CHD7: variants seen among roughly 807,000 people sequenced by gnomAD.
CHD7 encodes ATP-dependent chromatin remodeler CHD7.
Under a neutral mutation model 307.3 loss-of-function variants are expected in CHD7, and 24 were observed. The observed-to-expected ratio is 0.08, with a 90% confidence interval of 0.06 to 0.11. The LOEUF (loss-of-function observed/expected upper bound fraction) is 0.11. Among genes scored for constraint, CHD7 ranks in the 10% least tolerant of loss-of-function variants. CHD7 has a pLI of 1.00. For missense variants in CHD7, 3,106 were observed against 3,727.1 expected (o/e 0.83, Z 4.34); for synonymous variants, 1,363 against 1,349.9 (o/e 1.01, Z -0.21).
intron 34 of CHD7, 100 bp downstream of exon 34, chr8:60,856,988 T>A (rs578050272): frequency 1.4e-5 from 15 of 1,066,336 alleles, no homozygotes; most frequent in Non-Finnish European, 2.0e-5. Flanking sequence ...AGCAGCATTG[T>A]ATGAAAGCCA....
chr8:60,779,406 G>T (rs1452316120), intron 2 of CHD7, among the ~76,000 whole-genome samples: 1 of 152,188 alleles, frequency 6.6e-6, no homozygotes, highest in Admixed American at 6.5e-5. Context: ...AAGTACTAGA[G>T]TTAGGAAACT....
At chr8:60,859,493 T>C (rs994018436) in intron 34 of CHD7, among the ~76,000 whole-genome samples, 7 of 152,210 alleles carry the variant, frequency 4.6e-5, no homozygotes, top group African/African-American at 1.4e-4. Flanking sequence ...TAAATCATAA[T>C]GTGTCCTGGT....
intron 2 of CHD7, among the ~76,000 whole-genome samples, chr8:60,754,886 A>T (rs1809815723): frequency 6.6e-6 from 1 of 152,210 alleles, no homozygotes; most frequent in African/African-American, 2.4e-5. Flanking sequence ...ACATAGAGAA[A>T]GTTCAGTAGT....
At chr8:60,795,266 TC>T in intron 4 of CHD7, 139 bp downstream of exon 4, 1 of 801,236 alleles carries the variant, frequency 1.2e-6, no homozygotes, top group Non-Finnish European at 1.9e-6. Context: ...GAACATTATC[TC>T]CATAGCGATG....
rs1282108365 is a variant in CHD7 at position 60,865,949 on chromosome 8, G to C, written c.*16G>C. ...TGATGAATAACCAGTACCAGTTCCAGTTCAAGTGTTTAAAACTTTTGACAA... is the reference window on the plus strand; with the variant it reads ...TGATGAATAACCAGTACCAGTTCCACTTCAAGTGTTTAAAACTTTTGACAA... On this transcript the variant is annotated 3_prime_UTR_variant, in exon 38 of 38. Transcript: ENST00000423902. The surrounding 1 kb of genome is among the most constrained non-coding windows in gnomAD (Gnocchi z 4.3). 1.3e-6 allele frequency: 2 copies of C among 1,578,082 alleles called. No homozygotes were observed. Among genetic ancestry groups the C allele is most frequent in the Non-Finnish European group, 1.7e-6 (2 of 1,160,884 alleles).
In CHD7 at chr8:60,865,758, A is replaced by G; in HGVS notation, c.8819A>G (p.Asp2940Gly). The stretch of plus-strand genomic sequence containing the variant: ...GGCTCCAGCGAAGAAAAGGCTGCTG[A>G]CAAGGCTGAGGGAGGACCCTTTAAA... Reference protein sequence around the residue: ...AVGSSEEKAADKAEGGPFKDG... With the variant: ...AVGSSEEKAAGKAEGGPFKDG... Residue 2940 changes from aspartate to glycine, a missense_variant, in exon 38 of 38, where the codon GAC (aspartate) becomes GGC (glycine). Asp to Gly is a moderately conservative substitution (Grantham distance 94). Coordinates refer to ENST00000423902, the MANE Select transcript of CHD7 (RefSeq NM_017780.4). The surrounding 1 kb of genome is among the most constrained non-coding windows in gnomAD (Gnocchi z 4.3). The G allele has an allele frequency of 6.2e-7, 1 of 1,613,206 alleles. No homozygotes were observed. Among genetic ancestry groups the G allele is most frequent in the Non-Finnish European group, 8.5e-7 (1 of 1,179,506 alleles).
chr8:60,808,081 G>A (rs756935490), intron 6 of CHD7, 136 bp from the exon 7 acceptor site: 9 of 664,690 alleles, frequency 1.4e-5, no homozygotes, highest in Non-Finnish European at 1.8e-5. Context: ...CCAGCACACG[G>A]TGTGCTCATC....
chr8:60,808,556 A>G (rs1812643626), intron 7 of CHD7, among the ~76,000 whole-genome samples: 1 of 152,232 alleles, frequency 6.6e-6, no homozygotes, highest in Non-Finnish European at 1.5e-5. Context: ...TGAATAAAGC[A>G]GTATTTCCCT....
intron 35 of CHD7, chr8:60,861,483 C>T (rs570116868): frequency 6.0e-4 from 110 of 183,602 alleles, no homozygotes; most frequent in African/African-American, 1.9e-3. Flanking sequence ...AGTCTCCAGA[C>T]GAGGCCCCGC....
At chr8:60,681,161 C>T (rs1252182103) in intron 1 of CHD7, among the ~76,000 whole-genome samples, 1 of 152,150 alleles carries the variant, frequency 6.6e-6, no homozygotes, top group African/African-American at 2.4e-5. Context: ...ATCTTAGTGA[C>T]TGTGACCTTA....
Position 60,836,886 on chromosome 8 carries a change from C to A in CHD7, c.4059C>A (p.Ser1353=), listed in dbSNP as rs1804767633. Residue 1353 remains serine (S), a synonymous_variant, in exon 17 of 38, where the codon TCC becomes TCA. Transcript: ENST00000423902. ...NLRQAAIDRF[S]KPDSDRFVFL... is the part of the protein sequence containing the mutation. ...GCCAGGCAGCTATCGACAGATTCTC[C>A]AAACCTGATTCTGATAGGTTTGTTT... The A allele has an allele frequency of 6.2e-7, 1 of 1,613,762 alleles. No homozygotes were observed. The highest frequency in any genetic ancestry group is 1.7e-5 in the Admixed American group (1 of 59,996).
At chr8:60,848,840 A>T (rs1805324457) in intron 24 of CHD7, among the ~76,000 whole-genome samples, 1 of 152,154 alleles carries the variant, frequency 6.6e-6, no homozygotes, top group Non-Finnish European at 1.5e-5. Flanking sequence ...GTGTTCTGAG[A>T]TGACCCTTAA....
chr8:60,761,230 A>C (rs997778959), intron 2 of CHD7, among the ~76,000 whole-genome samples: 1 of 150,988 alleles, frequency 6.6e-6, no homozygotes, highest in Non-Finnish European at 1.5e-5. Context: ...TTCTCAGTAA[A>C]CTATCGCAAG....
At chr8:60,686,795 A>G (rs1343347666) in intron 1 of CHD7, among the ~76,000 whole-genome samples, 1 of 152,194 alleles carries the variant, frequency 6.6e-6, no homozygotes, top group Non-Finnish European at 1.5e-5. Flanking sequence ...TATTTGCAGT[A>G]TGTCTAAAAA....
chr8:60,811,165 A>G (rs965129522), intron 7 of CHD7, among the ~76,000 whole-genome samples: 2 of 152,098 alleles, frequency 1.3e-5, no homozygotes, highest in African/African-American at 2.4e-5. Context: ...GATTTATTTG[A>G]TACACAGTAT....
At chr8:60,800,179 C>T (rs1334882701) in intron 4 of CHD7, among the ~76,000 whole-genome samples, 3 of 151,972 alleles carry the variant, frequency 2.0e-5, no homozygotes, top group East Asian at 1.9e-4. Context: ...TACAGGCACC[C>T]GCCACCACGC....
rs373823856 is a variant in CHD7 at position 60,852,093 on chromosome 8, C to T, written c.5740C>T (p.Arg1914Cys). The change falls in exon 29 of 38, where the codon CGC becomes TGC. Residue 1914 changes from arginine to cysteine, a missense_variant. Physicochemically the swap from Arg to Cys is radical, Grantham distance 180. Coordinates refer to ENST00000423902, the MANE Select transcript of CHD7 (RefSeq NM_017780.4). ...CACTTCAACCCTGACTACACGTCTG[C>T]GCCGGCTCATTACTGCCTATCAGCG... ...PNTSTLTTRL[R>C]RLITAYQRSY... The T allele has an allele frequency of 3.1e-6, 5 of 1,613,826 alleles. No individual in the cohort carries two copies. The highest frequency in any genetic ancestry group is 4.2e-6 in the Non-Finnish European group (5 of 1,179,868).
chr8:60,834,874 A>G (rs941295066), intron 15 of CHD7, among the ~76,000 whole-genome samples: 10 of 152,310 alleles, frequency 6.6e-5, no homozygotes, highest in African/African-American at 2.4e-4. Flanking sequence ...GTACCATGTG[A>G]GAGGCTGTGG....
At chr8:60,817,955 C>G (rs191401688) in intron 8 of CHD7, among the ~76,000 whole-genome samples, 21 of 152,292 alleles carry the variant, frequency 1.4e-4, no homozygotes, top group African/African-American at 3.6e-4. Flanking sequence ...TTTGTATTCT[C>G]TCTCCTGTAG....
Sources: gnomAD v4.1 joint callset for allele counts (sites outside exome capture counted in the v4.1 genomes callset) on GRCh38, gnomAD v4.1.1 for gene constraint, Gnocchi (gnomAD v3.1) non-coding constraint, MANE v1.5 for transcripts, NCBI Gene and HGNC (gene_info 2026-07-23, HGNC 2026-07-21) for gene names.